Variants in PRELID2 observed in about 807,000 individuals in gnomAD.
PRELID2 encodes the protein PRELI domain-containing protein 2.
Under a neutral mutation model 28.4 loss-of-function variants are expected in PRELID2, and 25 were observed. That is an observed-to-expected ratio of 0.88 (90% CI 0.64 to 1.23). The LOEUF is 1.23. Ranked by LOEUF, PRELID2 falls within the 50% of genes most tolerant of loss-of-function variation. The pLI, the probability that PRELID2 is intolerant of heterozygous loss-of-function variation, is 0.00. For synonymous variants in PRELID2, 76 were observed against 71.6 expected (o/e 1.06, Z -0.31); for missense variants, 201 against 214.4 (o/e 0.94, Z 0.39).
chr5:145,743,411 CAAAAA>C (rs59424142), intron 1 of PRELID2, among the ~76,000 whole-genome samples: 23 of 101,754 alleles, frequency 2.3e-4, no homozygotes, highest in Non-Finnish European at 3.4e-4. Flanking sequence ...AACTCTGCGG[CAAAAA>C]AAAAAAAAAA....
intron 1 of PRELID2, 80 bp from the exon 2 acceptor site, chr5:145,823,214 C>A: frequency 1.5e-6 from 1 of 670,788 alleles, no homozygotes; most frequent in South Asian, 2.0e-5. Context: ...CAGCTGTCTG[C>A]AGGACTAGTA....
At chr5:145,738,736 G>A (rs1253327419) in intron 1 of PRELID2, among the ~76,000 whole-genome samples, 1 of 152,058 alleles carries the variant, frequency 6.6e-6, no homozygotes, top group Non-Finnish European at 1.5e-5. Flanking sequence ...TTCCAAGAGA[G>A]AAGAAAAAGG....
intron 1 of PRELID2, among the ~76,000 whole-genome samples, chr5:145,577,901 T>C (rs1753074158): frequency 6.6e-6 from 1 of 152,072 alleles, no homozygotes; most frequent in Non-Finnish European, 1.5e-5. Context: ...ATTAGCTGAA[T>C]AAAAAATAAA....
the PRELID2 span, among the ~76,000 whole-genome samples, chr5:145,239,060 T>G: frequency 6.6e-6 from 1 of 152,204 alleles, no homozygotes; most frequent in South Asian, 2.1e-4. Flanking sequence ...TCTGAAGCAT[T>G]TTTTCTGGGA....
intron 1 of PRELID2, among the ~76,000 whole-genome samples, chr5:145,486,014 C>T (rs1162973090): frequency 7.2e-5 from 11 of 152,124 alleles, no homozygotes; most frequent in Admixed American, 2.6e-4. Context: ...CCTATTAACA[C>T]AGATATAAAG....
chr5:145,653,576 G>A (rs1387603308), intron 1 of PRELID2, among the ~76,000 whole-genome samples: 1 of 152,150 alleles, frequency 6.6e-6, no homozygotes, highest in African/African-American at 2.4e-5. Flanking sequence ...AATCAAACTA[G>A]AACTCAGGAT....
At chr5:145,787,540 G>A (rs556234677) in intron 5 of PRELID2, among the ~76,000 whole-genome samples, 19 of 68,094 alleles carry the variant, frequency 2.8e-4, no homozygotes, top group Non-Finnish European at 4.3e-4. Context: ...ATTGAAAAGA[G>A]GCAACAATTT....
chr5:145,568,708 A>G (rs1752990042), intron 1 of PRELID2, among the ~76,000 whole-genome samples: 1 of 152,234 alleles, frequency 6.6e-6, no homozygotes. Context: ...ATAAATAATG[A>G]TGAAATCTTA....
In PRELID2 at chr5:145,758,861, A is replaced by G. The variant is rs868102231; in HGVS notation, c.*1675T>C. Among the ~76,000 whole-genome samples the G allele has an allele frequency of 2.0e-5, 3 of 152,144 alleles. No homozygotes were observed. Among genetic ancestry groups the G allele is most frequent in the Admixed American group, 2.0e-4 (3 of 15,268 alleles). ...AGGCAGCACAAAGAGCTCAGATACA[A>G]TAAGAACAGGCTCACAGTGGCAGGC... On this transcript the variant is annotated 3_prime_UTR_variant, in exon 7 of 7. Transcript: ENST00000683046.
At chr5:145,302,769 T>C in the PRELID2 span, among the ~76,000 whole-genome samples, 1 of 152,204 alleles carries the variant, frequency 6.6e-6, no homozygotes, top group African/African-American at 2.4e-5. Flanking sequence ...AGCTTGTAAA[T>C]ATGTGCTTCA....
intron 1 of PRELID2, among the ~76,000 whole-genome samples, chr5:145,547,484 G>T (rs988496821): frequency 2.0e-4 from 31 of 151,872 alleles, no homozygotes; most frequent in Non-Finnish European, 1.3e-4. Context: ...TGCAATAAAA[G>T]GTTGATTTAA....
At chr5:145,501,326 G>A (rs7718967) in intron 1 of PRELID2, among the ~76,000 whole-genome samples, 42,485 of 151,968 alleles carry the variant, frequency 0.28, 6,197 homozygotes, top group South Asian at 0.38. Flanking sequence ...GGTGTCCCTT[G>A]CCCAGAACAC....
the PRELID2 span, among the ~76,000 whole-genome samples, chr5:145,415,668 T>A: frequency 6.6e-6 from 1 of 150,904 alleles, no homozygotes; most frequent in Non-Finnish European, 1.5e-5. Flanking sequence ...ATTTTCTTAA[T>A]CCAGTCTATC....
chr5:145,568,190 C>T (rs545011014), intron 1 of PRELID2, among the ~76,000 whole-genome samples: 1 of 152,192 alleles, frequency 6.6e-6, no homozygotes, highest in Non-Finnish European at 1.5e-5. Flanking sequence ...ACTCAATTTC[C>T]TGGGAAAGCA....
chr5:145,794,855 G>A (rs1241311141), intron 5 of PRELID2, among the ~76,000 whole-genome samples: 1 of 152,064 alleles, frequency 6.6e-6, no homozygotes, highest in Non-Finnish European at 1.5e-5. Flanking sequence ...ACCAACCTCA[G>A]TTAATGAAAT....
At chr5:145,373,712 AAT>A in the PRELID2 span, among the ~76,000 whole-genome samples, 22 of 55,926 alleles carry the variant, frequency 3.9e-4, no homozygotes, top group African/African-American at 1.6e-3. Context: ...CAACATATAT[AAT>A]ATATATGATA....
intron 1 of PRELID2, among the ~76,000 whole-genome samples, chr5:145,740,869 G>T (rs142177496): frequency 0.59 from 18,559 of 31,532 alleles, 4,784 homozygotes; most frequent in East Asian, 0.81. Flanking sequence ...TATATTTATC[G>T]ATAAATATAT....
At chr5:145,315,363 T>C in the PRELID2 span, among the ~76,000 whole-genome samples, 1 of 152,188 alleles carries the variant, frequency 6.6e-6, no homozygotes, top group East Asian at 1.9e-4. Context: ...CCACCACGCC[T>C]GGCCTCTACA....
the PRELID2 span, among the ~76,000 whole-genome samples, chr5:145,388,090 A>T: frequency 6.6e-6 from 1 of 152,176 alleles, no homozygotes; most frequent in East Asian, 1.9e-4. Context: ...GAGATAAAGG[A>T]TGAGGATGGT....
Sources: gnomAD v4.1 joint callset for allele counts (sites outside exome capture counted in the v4.1 genomes callset) on GRCh38, gnomAD v4.1.1 for gene constraint, MANE v1.5 for transcripts, NCBI Gene and HGNC (gene_info 2026-07-23, HGNC 2026-07-21) for gene names.